The following CPEB3 variants were observed in gnomAD, a reference collection of about 807,000 sequenced individuals.
The protein encoded by CPEB3 is cytoplasmic polyadenylation element binding protein 3.
Under a neutral mutation model 67.2 loss-of-function variants are expected in CPEB3, and 20 were observed. The ratio of observed to expected loss-of-function variants is 0.30; its 90% CI spans 0.21 to 0.43. CPEB3 has a LOEUF of 0.43. Ranked by LOEUF, CPEB3 falls within the 20% of genes least tolerant of loss-of-function variation. CPEB3 has a pLI of 1.00. For synonymous variants in CPEB3, 376 were observed against 393.1 expected (o/e 0.96, Z 0.51); for missense variants, 746 against 968.6 (o/e 0.77, Z 3.05).
intron 2 of CPEB3, among the ~76,000 whole-genome samples, chr10:92,194,747 G>A (rs1330557901): frequency 6.6e-6 from 1 of 151,998 alleles, no homozygotes; most frequent in Non-Finnish European, 1.5e-5. Context: ...CATGTTCTAA[G>A]TTAATACTAA....
At position 92,239,805 on chromosome 10, in the gene CPEB3, T is replaced by C; in HGVS notation, c.546A>G (p.Pro182=). The C allele has an allele frequency of 7.0e-7, 1 of 1,426,610 alleles. No homozygotes were observed. The highest frequency in any genetic ancestry group is 9.1e-7 in the Non-Finnish European group (1 of 1,095,522). The allele number at this position is 1,426,610 out of a possible 1,614,324, so 88.4% of individuals were successfully genotyped here. Residue 182 remains proline (P), a synonymous_variant, in exon 2 of 10, where the codon CCA becomes CCG. Transcript: ENST00000265997. The surrounding 1 kb of genome is among the most constrained non-coding windows in gnomAD (Gnocchi z 6.0). ...GGCGCTGCTGCGGGGGCTGCGCCTG[T>C]GGTGGCTGCGCTGGCTGTGCCGGCT... is the stretch of plus-strand genomic sequence containing the variant. ...APQPAQPAQP[P]QAQPPQQRRS...
chr10:92,203,456 A>T (rs1002210697), intron 2 of CPEB3, among the ~76,000 whole-genome samples: 1 of 147,116 alleles, frequency 6.8e-6, no homozygotes, highest in Non-Finnish European at 1.5e-5. Context: ...ATATATACGT[A>T]TATATGTATA....
At chr10:92,258,932 A>G (rs1037241906) in intron 1 of CPEB3, among the ~76,000 whole-genome samples, 1 of 151,058 alleles carries the variant, frequency 6.6e-6, no homozygotes, top group Non-Finnish European at 1.5e-5. Flanking sequence ...TGCTGGGATT[A>G]CAGGCACGAG....
chr10:92,082,264 C>CTTTG (rs59306760), intron 8 of CPEB3, among the ~76,000 whole-genome samples: 7,302 of 150,836 alleles, frequency 0.048, 247 homozygotes, highest in African/African-American at 0.11. Context: ...CTAAATATGC[C>CTTTG]TTTGTTTGTT....
intron 2 of CPEB3, among the ~76,000 whole-genome samples, chr10:92,215,150 GA>G (rs1025386468): frequency 6.9e-6 from 1 of 145,190 alleles, no homozygotes; most frequent in Non-Finnish European, 1.5e-5. Flanking sequence ...GCCAAGCCAA[GA>G]TTTTTTTTTT....
At chr10:92,086,622 T>G (rs1843385463) in intron 8 of CPEB3, among the ~76,000 whole-genome samples, 1 of 152,166 alleles carries the variant, frequency 6.6e-6, no homozygotes, top group African/African-American at 2.4e-5. Context: ...TAAACATCCA[T>G]GAGAGCTCTG....
intron 2 of CPEB3, among the ~76,000 whole-genome samples, chr10:92,206,269 C>T (rs1180151674): frequency 7.9e-5 from 12 of 151,768 alleles, no homozygotes; most frequent in Non-Finnish European, 1.3e-4. Context: ...AACGGGATTT[C>T]GGCATGTTGG....
chr10:92,233,863 A>G (rs1023185968), intron 2 of CPEB3, among the ~76,000 whole-genome samples: 1 of 152,162 alleles, frequency 6.6e-6, no homozygotes, highest in Non-Finnish European at 1.5e-5. Flanking sequence ...TAATCCCAGC[A>G]CTTTGGGAGG....
chr10:92,239,676 C>G lies in CPEB3; in HGVS notation c.675G>C (p.Ala225=). Residue 225 remains alanine (A), a synonymous_variant, in exon 2 of 10, where the codon GCG becomes GCC. Coordinates refer to ENST00000265997, the MANE Select transcript of CPEB3 (RefSeq NM_014912.5). The surrounding 1 kb of genome is among the most constrained non-coding windows in gnomAD (Gnocchi z 6.0). ...CGGCTGCGGCAGCAGCGGCTGCAAC[C>G]GCCGAAGACGAGGACGGCTTGCTGG... ...IMTSKPSSSS[A]VAAAAAAAAA... The G allele has an allele frequency of 6.4e-7, 1 of 1,567,438 alleles. No homozygotes were observed. The highest frequency in any genetic ancestry group is 1.2e-5 in the South Asian group (1 of 85,472).
At chr10:92,053,060 C>A (rs1016050883) in intron 9 of CPEB3, among the ~76,000 whole-genome samples, 1 of 152,304 alleles carries the variant, frequency 6.6e-6, no homozygotes. Context: ...AGACTAACAC[C>A]CCAACATTGC....
At chr10:92,247,563 A>G (rs1193664768) in intron 1 of CPEB3, among the ~76,000 whole-genome samples, 1 of 151,954 alleles carries the variant, frequency 6.6e-6, no homozygotes, top group Non-Finnish European at 1.5e-5. Context: ...ATGCCCAGCT[A>G]ATTTTGTATT....
At chr10:92,135,826 T>C (rs930120770) in intron 6 of CPEB3, among the ~76,000 whole-genome samples, 6 of 152,172 alleles carry the variant, frequency 3.9e-5, no homozygotes, top group South Asian at 2.1e-4. Flanking sequence ...GAATACTATG[T>C]AGCCATAAAA....
At chr10:92,207,564 T>C (rs1301500991) in intron 2 of CPEB3, among the ~76,000 whole-genome samples, 3 of 152,128 alleles carry the variant, frequency 2.0e-5, no homozygotes, top group East Asian at 3.8e-4. Context: ...AGATAAAACA[T>C]GTTAATCTAT....
chr10:92,203,440 ATG>A (rs1491543906), intron 2 of CPEB3, among the ~76,000 whole-genome samples: 1 of 138,106 alleles, frequency 7.2e-6, no homozygotes, highest in Non-Finnish European at 1.5e-5. Context: ...ATATATGTAT[ATG>A]TATATATATA....
rs200915985 is a variant in CPEB3 at position 92,250,354 on chromosome 10, T to G, written c.-11-9993A>C. On this transcript the variant is annotated intron_variant, in intron 1 of 9. Transcript: ENST00000265997. ...GCCCACCCTCAGCCTCCCAAAGTGC[T>G]GGGATTTATAGGCGTGAGCCACTGT... is the stretch of plus-strand genomic sequence containing the variant. Among the ~76,000 whole-genome samples the G allele has an allele frequency of 2.2e-4, 34 of 152,140 alleles. No individual in the cohort carries two copies. The East Asian group carries it at 6.4e-3, about 29-fold the overall frequency.
At chr10:92,151,426 A>C (rs1304328454) in intron 4 of CPEB3, among the ~76,000 whole-genome samples, 1 of 152,230 alleles carries the variant, frequency 6.6e-6, no homozygotes, top group Non-Finnish European at 1.5e-5. Flanking sequence ...ATTCCCTAGA[A>C]GTCAAGATAG....
chr10:92,185,440 T>C (rs1027553189), intron 3 of CPEB3, among the ~76,000 whole-genome samples: 25 of 152,064 alleles, frequency 1.6e-4, no homozygotes, highest in African/African-American at 5.8e-4. Context: ...CACAGTCCCA[T>C]AAGCTCAATT....
At chr10:92,183,876 G>A (rs1035552772) in intron 3 of CPEB3, among the ~76,000 whole-genome samples, 2 of 152,076 alleles carry the variant, frequency 1.3e-5, no homozygotes, top group African/African-American at 4.8e-5. Context: ...TCTTTCCTGT[G>A]TCTACCATTT....
intron 1 of CPEB3, among the ~76,000 whole-genome samples, chr10:92,246,093 T>C (rs1380754637): frequency 6.6e-6 from 1 of 150,890 alleles, no homozygotes; most frequent in Non-Finnish European, 1.5e-5. Flanking sequence ...CCCAGCACTT[T>C]GGGAGGCCAA....
Sources: gnomAD v4.1 joint callset for allele counts (sites outside exome capture counted in the v4.1 genomes callset) on GRCh38, gnomAD v4.1.1 for gene constraint, Gnocchi (gnomAD v3.1) non-coding constraint, MANE v1.5 for transcripts, NCBI Gene and HGNC (gene_info 2026-07-23, HGNC 2026-07-21) for gene names.